The following PDS5A variants were observed in gnomAD, a reference collection of about 807,000 sequenced individuals.
PDS5A encodes the protein sister chromatid cohesion protein PDS5 homolog A.
In PDS5A, 42 loss-of-function variants were observed where a neutral mutation model predicts 167.1. The ratio of observed to expected loss-of-function variants is 0.25; its 90% CI spans 0.20 to 0.33. PDS5A has a LOEUF of 0.33. Among genes scored for constraint, PDS5A ranks in the 10% least tolerant of loss-of-function variants. PDS5A has a pLI of 1.00. For missense variants in PDS5A, 1,033 were observed against 1,605.9 expected (o/e 0.64, Z 6.10); for synonymous variants, 553 against 554.6 (o/e 1.00, Z 0.04).
rs1718382904 is a variant in PDS5A, at chr4:39,854,603, A to C, written c.3087-4951T>G. On this transcript the variant is annotated intron_variant, in intron 26 of 32. Transcript: ENST00000303538. ...TCTTTTTAACTTCTGACTCCCTGCA[A>C]GTGTGAGTTATGTGCCTATTCTAGG... Among the ~76,000 whole-genome samples the C allele has an allele frequency of 2.6e-5, 4 of 152,186 alleles. No homozygotes were observed. In the South Asian group the frequency reaches 8.3e-4, roughly 32 times the overall value.
chr4:39,922,512 G>T, intron 6 of PDS5A, 110 bp downstream of exon 6: 1 of 927,058 alleles, frequency 1.1e-6, no homozygotes, highest in Non-Finnish European at 1.5e-6. Context: ...GTGGAGAACG[G>T]TCATGAGAAC....
intron 32 of PDS5A, among the ~76,000 whole-genome samples, chr4:39,827,181 G>C (rs1715402325): frequency 6.6e-6 from 1 of 152,086 alleles, no homozygotes; most frequent in Non-Finnish European, 1.5e-5. Context: ...TGTATTTTTA[G>C]TAGAGATGGG....
intron 4 of PDS5A, 59 bp downstream of exon 4, chr4:39,926,714 ATG>A (rs1560490349): frequency 4.4e-6 from 5 of 1,127,920 alleles, no homozygotes; most frequent in Middle Eastern, 2.9e-4. Context: ...CAAAGTTAAC[ATG>A]AAGAATTTGC....
rs1168691341 is a variant in PDS5A at position 39,873,239 on chromosome 4, A to T, written c.2278-95T>A. The T allele has an allele frequency of 4.6e-6, 3 of 654,930 alleles. No individual in the cohort carries two copies. The Admixed American group carries it at 1.1e-4, about 24-fold the overall frequency. 40.6% of individuals were successfully genotyped at this position (654,930 alleles called of 1,614,324 possible). ...CATTTTCCTGAGTCCTCCTGAATTT[A>T]CCATGCCCAAACCAATCTTCTCTAA... On this transcript the variant is annotated intron_variant, in intron 20 of 32. Transcript: ENST00000303538.
chr4:39,849,153 A>C (rs1240992251), intron 27 of PDS5A, among the ~76,000 whole-genome samples, 183 bp from the exon 28 acceptor site: 1 of 152,200 alleles, frequency 6.6e-6, no homozygotes, highest in Admixed American at 6.5e-5. Flanking sequence ...AAATCCCTCT[A>C]TATGAATTTA....
chr4:39,902,457 C>T lies in PDS5A; in HGVS notation c.1389G>A (p.Leu463=). ...ACTGAGCAAAGATTTTCTCTACCAACAGTCTAGGAAATAACAACAACAAAA... is the reference window on the plus strand; with the variant it reads ...ACTGAGCAAAGATTTTCTCTACCAATAGTCTAGGAAATAACAACAACAAAA... ...IYYQNSIDDK[L]LVEKIFAQYL... Residue 463 remains leucine (L), a synonymous_variant, in exon 13 of 33, where the codon CTG becomes CTA. Coordinates refer to ENST00000303538, the MANE Select transcript of PDS5A (RefSeq NM_001100399.2). 1.4e-6 allele frequency: 2 copies of T among 1,468,344 alleles called. No individual in the cohort carries two copies. The highest frequency in any genetic ancestry group is 1.9e-6 in the Non-Finnish European group (2 of 1,064,050). 91.0% of individuals were successfully genotyped at this position (1,468,344 alleles called of 1,614,324 possible). A position where few individuals can be genotyped will look rare whatever the true frequency, so the allele number is the denominator to read the frequency against.
intron 2 of PDS5A, among the ~76,000 whole-genome samples, chr4:39,954,055 A>G (rs1170955402): frequency 6.6e-6 from 1 of 152,104 alleles, no homozygotes; most frequent in Non-Finnish European, 1.5e-5. Flanking sequence ...AAACAATGGG[A>G]TGAGGCAGGG....
intron 17 of PDS5A, among the ~76,000 whole-genome samples, chr4:39,880,194 ACT>A (rs1720814556): frequency 6.6e-6 from 1 of 152,156 alleles, no homozygotes; most frequent in South Asian, 2.1e-4. Context: ...ATGACAACTG[ACT>A]CAAAAAAATA....
intron 19 of PDS5A, 42 bp downstream of exon 19, chr4:39,876,951 T>C (rs758343214): frequency 6.9e-7 from 1 of 1,457,018 alleles, no homozygotes; most frequent in Admixed American, 1.9e-5. Context: ...TTCCCATACT[T>C]AGAAACTTTT....
rs372830403 is a variant in PDS5A at position 39,913,676 on chromosome 4, C to T, written c.927G>A (p.Leu309=). 5.6e-6 allele frequency: 9 copies of T among 1,612,536 alleles called. No individual in the cohort carries two copies. The highest frequency in any genetic ancestry group is 1.7e-5 in the Admixed American group (1 of 59,998). Residue 309 remains leucine, a synonymous_variant, in exon 9 of 33, where the codon TTG becomes TTA. Transcript: ENST00000303538. Reference sequence around the variant, plus strand: ...CCAAATCAGAATCTTTGGAGCCAAACAATTTAGCTAGAAGTCGAACAACAG... The same window carrying T: ...CCAAATCAGAATCTTTGGAGCCAAATAATTTAGCTAGAAGTCGAACAACAG... The part of the protein sequence containing the change: ...RLAVVRLLAK[L]FGSKDSDLAT...
chr4:39,844,891 T>TAA, intron 29 of PDS5A, 90 bp from the exon 30 acceptor site: 7 of 1,320,472 alleles, frequency 5.3e-6, no homozygotes, highest in Non-Finnish European at 7.1e-6. Context: ...TAAGAGATAT[T>TAA]GTTAAGTGCT....
intron 1 of PDS5A, among the ~76,000 whole-genome samples, 154 bp from the exon 2 acceptor site, chr4:39,976,771 C>T (rs1479954125): frequency 1.3e-5 from 2 of 152,238 alleles, no homozygotes; most frequent in African/African-American, 2.4e-5. Flanking sequence ...AGGGATCGAA[C>T]CCCGCCGGCC....
chr4:39,902,347 T>A lies in PDS5A; in HGVS notation c.1499A>T (p.Lys500Ile). The change falls in exon 13 of 33, where the codon AAA becomes ATA. Residue 500 changes from lysine to isoleucine, a missense_variant and splice_region_variant. Physicochemically the swap from Lys to Ile is moderately radical, Grantham distance 102. Around this residue, in one of 4 missense-constraint regions of PDS5A, gnomAD observed 388 missense variants for 615.1 expected, o/e 0.63. Transcript: ENST00000303538. ...AGCAGTTATTTGAAAAGTAACTTAC[T>A]TTACAGCATTTGGATCCAAACTAGC... is the stretch of plus-strand genomic sequence containing the variant. The part of the protein sequence containing the change: ...LYASLDPNAV[K>I]ALNEMWKCQN... The A allele has an allele frequency of 7.3e-7, 1 of 1,377,362 alleles. No homozygotes were observed. Among genetic ancestry groups the A allele is most frequent in the Non-Finnish European group, 1.0e-6 (1 of 981,100 alleles). 85.3% of individuals were successfully genotyped at this position (1,377,362 alleles called of 1,614,324 possible).
At chr4:39,926,023 T>C (rs942988306) in intron 4 of PDS5A, 90 bp from the exon 5 acceptor site, 2 of 380,166 alleles carry the variant, frequency 5.3e-6, no homozygotes, top group Non-Finnish European at 9.2e-6. Flanking sequence ...TTTTTAGAGT[T>C]AGAAACATAT....
Position 39,920,548 on chromosome 4 carries a change from T to C in PDS5A, c.655-149A>G. 5 of 448,124 alleles carry C rather than the reference T, an allele frequency of 1.1e-5. No individual in the cohort carries two copies. In the Admixed American group the frequency reaches 1.3e-4, roughly 11 times the overall value. The allele number at this position is 448,124 out of a possible 1,614,324, so 27.8% of individuals were successfully genotyped here. ...CAAAAATAAAAATAACTGAGTTCTC[T>C]TCAAGGTTTTGCCAAATATCCTCTA... On this transcript the variant is annotated intron_variant, in intron 6 of 32. Transcript: ENST00000303538.
At chr4:39,849,999 G>A (rs1367452086) in intron 26 of PDS5A, among the ~76,000 whole-genome samples, 3 of 152,156 alleles carry the variant, frequency 2.0e-5, no homozygotes, top group African/African-American at 4.8e-5. Flanking sequence ...GAGGCTGGGC[G>A]CGGTGGCTCA....
intron 2 of PDS5A, among the ~76,000 whole-genome samples, chr4:39,959,557 C>G (rs1578829848): frequency 6.6e-6 from 1 of 152,166 alleles, no homozygotes; most frequent in East Asian, 1.9e-4. Flanking sequence ...AAGCTGGTAG[C>G]AAACTCTCGA....
At chr4:39,834,139 C>A (rs888903911) in intron 32 of PDS5A, among the ~76,000 whole-genome samples, 2 of 150,690 alleles carry the variant, frequency 1.3e-5, no homozygotes, top group Admixed American at 1.3e-4. Context: ...GAGGCAAGAC[C>A]GCATCATTGC....
At position 39,869,403 on chromosome 4, in the gene PDS5A, T is replaced by C; in HGVS notation, c.2496A>G (p.Val832=). The part of the protein sequence containing the change: ...WSPDEEVSPE[V]LAKVQAIKLL... ...GCCTAAACAAATTTACCTTTGCTAG[T>C]ACTTCAGGGGAAACCTCTTCATCTG... The change falls in exon 22 of 33, where the codon GTA becomes GTG. Residue 832 remains valine (V), a synonymous_variant. Coordinates refer to ENST00000303538, the MANE Select transcript of PDS5A (RefSeq NM_001100399.2). 1 of 1,589,574 alleles carries C rather than the reference T, an allele frequency of 6.3e-7. No homozygotes were observed. Among genetic ancestry groups the C allele is most frequent in the Non-Finnish European group, 8.6e-7 (1 of 1,157,626 alleles).
Sources: allele counts gnomAD v4.1 joint callset (sites outside exome capture counted in the v4.1 genomes callset), GRCh38; gene constraint gnomAD v4.1.1; regional missense constraint gnomAD v4.1.1; transcripts MANE v1.5; gene names NCBI Gene and HGNC (gene_info 2026-07-23, HGNC 2026-07-21).